Variants in SYT12 observed in about 807,000 individuals in gnomAD.
SYT12 encodes synaptotagmin-12.
A neutral mutation model predicts 39.5 loss-of-function variants in SYT12; 27 were observed. That is an observed-to-expected ratio of 0.68 (90% CI 0.50 to 0.94). The LOEUF is 0.94. Among genes scored for constraint, SYT12 ranks in the 40% least tolerant of loss-of-function variants. The pLI is 0.00. For missense variants in SYT12, 536 were observed against 572.6 expected (o/e 0.94, Z 0.65); for synonymous variants, 233 against 239.7 (o/e 0.97, Z 0.26).
intron 3 of SYT12, among the ~76,000 whole-genome samples, chr11:67,013,750 G>A (rs1355366734): frequency 1.3e-5 from 2 of 152,258 alleles, no homozygotes; most frequent in Admixed American, 6.5e-5. Context: ...CCTTAGCACA[G>A]GCTGGGGCTA....
intron 3 of SYT12, among the ~76,000 whole-genome samples, chr11:67,035,955 G>T (rs1591368639): frequency 7.3e-6 from 1 of 137,722 alleles, no homozygotes; most frequent in African/African-American, 2.7e-5. Context: ...CACTCTGTCA[G>T]CCAGGCTGGA....
chr11:67,039,996 C>T lies in SYT12; in HGVS notation c.414C>T (p.Asn138=). Residue 138 remains asparagine, a synonymous_variant, in exon 4 of 8, where the codon AAC becomes AAT. Coordinates refer to ENST00000527043, the MANE Select transcript of SYT12 (RefSeq NM_177963.4). ...AGTCCCAGTCGGCCGACTCCCTGAA[C>T]TCCATCTCCTCCGTGAGCAACACCT... ...LRKSQSADSL[N]SISSVSNTFG... 1 of 1,613,860 alleles carries T rather than the reference C, an allele frequency of 6.2e-7. No homozygotes were observed. The highest frequency in any genetic ancestry group is 8.5e-7 in the Non-Finnish European group (1 of 1,180,040).
At chr11:67,016,648 G>T (rs1164856352) in intron 3 of SYT12, among the ~76,000 whole-genome samples, 1 of 152,172 alleles carries the variant, frequency 6.6e-6, no homozygotes, top group Admixed American at 6.5e-5. Flanking sequence ...CCTATTCTGT[G>T]AGCCTAGAAG....
chr11:67,046,119 C>T (rs1458984263), intron 7 of SYT12, among the ~76,000 whole-genome samples: 2 of 151,694 alleles, frequency 1.3e-5, no homozygotes, highest in African/African-American at 4.8e-5. Context: ...TAAGAGTGTC[C>T]TCAGGTGAGG....
rs184902710 is a variant in SYT12, at chr11:67,038,009, C to T, written c.229-1802C>T. ...GGTTGAGGCTGCAGAGAGCTGTGAT[C>T]GCACTCCACCCTGGGCAAGTGAGAC... is the stretch of plus-strand genomic sequence containing the variant. On this transcript the variant is annotated intron_variant, in intron 3 of 7. Transcript: ENST00000527043. Among the ~76,000 whole-genome samples, 382 of 147,180 alleles carry T rather than the reference C, an allele frequency of 2.6e-3. 4 individuals carry two copies. The highest frequency in any genetic ancestry group is 8.5e-3 in the African/African-American group (340 of 39,880).
intron 5 of SYT12, among the ~76,000 whole-genome samples, chr11:67,044,320 A>G (rs757226775): frequency 3.9e-5 from 6 of 152,146 alleles, no homozygotes; most frequent in Non-Finnish European, 8.8e-5. Flanking sequence ...TGATAGCTAC[A>G]TTTGACAGGC....
rs551480463 is a variant in SYT12, at chr11:67,035,415, C to T, written c.228+577C>T. Among the ~76,000 whole-genome samples the T allele has an allele frequency of 2.8e-5, 4 of 141,462 alleles. No individual in the cohort carries two copies. In the East Asian group the frequency reaches 6.1e-4, roughly 22 times the overall value. 92.8% of individuals were successfully genotyped at this position (141,462 alleles called of 152,430 possible). On this transcript the variant is annotated intron_variant, in intron 3 of 7. Transcript: ENST00000527043. ...GCCCAGAGTAACCTGATATATTTTT[C>T]TTCTTACTTTCTTTTTTTTCTTTTT...
Position 67,048,648 on chromosome 11 carries a change from A to G in SYT12, c.1157A>G (p.His386Arg), listed in dbSNP as rs1854648446. 1 of 1,612,692 alleles carries G rather than the reference A, an allele frequency of 6.2e-7. No homozygotes were observed. The highest frequency in any genetic ancestry group is 8.5e-7 in the Non-Finnish European group (1 of 1,179,186). Residue 386 changes from histidine (H) to arginine (R), a missense_variant, in exon 8 of 8, where the codon CAT (histidine) becomes CGT (arginine). His to Arg is a conservative substitution (Grantham distance 29, BLOSUM62 0). Transcript: ENST00000527043. Reference sequence around the variant, plus strand: ...GACGGCCGTGGGGACAACGTGGGCCATGTCATCATTGGGCCGTCAGCCAGT... The same window carrying G: ...GACGGCCGTGGGGACAACGTGGGCCGTGTCATCATTGGGCCGTCAGCCAGT... The part of the protein sequence containing the change: ...SSDGRGDNVG[H>R]VIIGPSASGM...
In SYT12 at chr11:67,048,986, C is replaced by A; in HGVS notation, c.*229C>A. On this transcript the variant is annotated 3_prime_UTR_variant, in exon 8 of 8. Transcript: ENST00000527043. ...CTGCTGAGGACCAGCTGTGGCTGGGCCAGGACAGAGGACTCAACCCTGCTC... is the reference window on the plus strand; with the variant it reads ...CTGCTGAGGACCAGCTGTGGCTGGGACAGGACAGAGGACTCAACCCTGCTC... 1 of 503,906 alleles carries A rather than the reference C, an allele frequency of 2.0e-6. No homozygotes were observed. The allele number at this position is 503,906 out of a possible 1,614,324, so 31.2% of individuals were successfully genotyped here.
chr11:67,044,860 C>A (rs2136232187), intron 6 of SYT12, 147 bp downstream of exon 6: 1 of 1,201,936 alleles, frequency 8.3e-7, no homozygotes, highest in Non-Finnish European at 1.2e-6. Context: ...AGAAGTCATG[C>A]AGATGGATAG....
chr11:67,037,769 C>T lies in SYT12; in HGVS notation c.229-2042C>T, dbSNP rs1950410505. The stretch of plus-strand genomic sequence containing the variant: ...TGATGGTGCATGCCTGTAATCCCAG[C>T]TACTCAGAAGGCTGAAGCAGGAGAA... On this transcript the variant is annotated intron_variant, in intron 3 of 7. Transcript: ENST00000527043. 3.3e-5 allele frequency among the ~76,000 whole-genome samples: 5 copies of T among 151,502 alleles called. No homozygotes were observed. In the South Asian group the frequency reaches 1.0e-3, roughly 31 times the overall value.
chr11:67,022,773 ATGT>A (rs756114237), upstream of SYT12: 1 of 152,224 alleles, frequency 6.6e-6, no homozygotes, highest in Non-Finnish European at 1.5e-5. Context: ...GACTGAGATG[ATGT>A]TGTAAGGCAC....
At chr11:67,018,091 G>C (rs935691137) in intron 3 of SYT12, among the ~76,000 whole-genome samples, 1 of 151,756 alleles carries the variant, frequency 6.6e-6, no homozygotes, top group African/African-American at 2.4e-5. Context: ...GTGAAACCCC[G>C]TCTCTACTAA....
chr11:67,034,435 C>T (rs1391978739), intron 2 of SYT12, among the ~76,000 whole-genome samples: 1 of 152,178 alleles, frequency 6.6e-6, no homozygotes, highest in Non-Finnish European at 1.5e-5. Context: ...ATGTAAATAT[C>T]CCCAAATCAG....
chr11:67,021,529 C>T (rs998298093), upstream of SYT12, among the ~76,000 whole-genome samples: 4 of 152,136 alleles, frequency 2.6e-5, no homozygotes, highest in Non-Finnish European at 4.4e-5. Context: ...ATCCGCCCTA[C>T]CTCAGCCTCC....
chr11:67,036,784 C>T (rs1950389998), intron 3 of SYT12, among the ~76,000 whole-genome samples: 1 of 149,226 alleles, frequency 6.7e-6, no homozygotes, highest in East Asian at 2.0e-4. Context: ...AAAAAAAATA[C>T]AAAAATTGAC....
chr11:67,038,854 G>T (rs1395892994), intron 3 of SYT12, among the ~76,000 whole-genome samples: 1 of 151,784 alleles, frequency 6.6e-6, no homozygotes, highest in Non-Finnish European at 1.5e-5. Context: ...GGGTGTGGTG[G>T]CAGGCGCCTG....
chr11:67,008,037 T>A (rs554394536), intron 1 of SYT12, among the ~76,000 whole-genome samples: 1 of 149,866 alleles, frequency 6.7e-6, no homozygotes, highest in South Asian at 2.1e-4. Flanking sequence ...CAGTGCAACC[T>A]CCGCCTCCCG....
chr11:67,033,253 C>T (rs549119843), intron 2 of SYT12, among the ~76,000 whole-genome samples: 1 of 152,118 alleles, frequency 6.6e-6, no homozygotes, highest in African/African-American at 2.4e-5. Flanking sequence ...CTTCTTGCCC[C>T]TCCTCATATC....
Sources: allele counts gnomAD v4.1 joint callset (sites outside exome capture counted in the v4.1 genomes callset), GRCh38; gene constraint gnomAD v4.1.1; transcripts MANE v1.5; gene names NCBI Gene and HGNC (gene_info 2026-07-23, HGNC 2026-07-21).